The following UNC5D variants were observed in gnomAD, a reference collection of about 807,000 sequenced individuals.
UNC5D encodes the protein unc-5 netrin receptor D.
A neutral mutation model predicts 105.4 loss-of-function variants in UNC5D; 39 were observed. The observed-to-expected ratio is 0.37, with a 90% CI of 0.29 to 0.48. The LOEUF (loss-of-function observed/expected upper bound fraction) is 0.48. UNC5D is among the 20% of genes least tolerant of loss of function. UNC5D has a pLI of 0.98. For synonymous variants in UNC5D, 452 were observed against 450.4 expected (o/e 1.00, Z -0.04); for missense variants, 991 against 1,202.4 (o/e 0.82, Z 2.60).
At chr8:35,653,081 C>A (rs983240079) in intron 4 of UNC5D, among the ~76,000 whole-genome samples, 1 of 152,056 alleles carries the variant, frequency 6.6e-6, no homozygotes, top group African/African-American at 2.4e-5. Context: ...AGGCACATGC[C>A]ACCACACCTG....
At chr8:35,284,924 G>C (rs925665477) in intron 1 of UNC5D, among the ~76,000 whole-genome samples, 1 of 152,062 alleles carries the variant, frequency 6.6e-6, no homozygotes, top group Non-Finnish European at 1.5e-5. Flanking sequence ...ATATAGTAAA[G>C]TTCTTTTAAT....
At chr8:35,634,330 T>G (rs1339862363) in intron 4 of UNC5D, among the ~76,000 whole-genome samples, 1 of 152,220 alleles carries the variant, frequency 6.6e-6, no homozygotes, top group Non-Finnish European at 1.5e-5. Flanking sequence ...ACATTTTTAC[T>G]TCTGTGTTAA....
intron 1 of UNC5D, among the ~76,000 whole-genome samples, chr8:35,328,569 C>T (rs992813886): frequency 6.6e-6 from 1 of 152,180 alleles, no homozygotes; most frequent in African/African-American, 2.4e-5. Context: ...GTGCTTCAAA[C>T]ATGTGTCTGT....
intron 1 of UNC5D, among the ~76,000 whole-genome samples, chr8:35,321,916 G>T (rs889227453): frequency 5.9e-5 from 9 of 152,102 alleles, no homozygotes; most frequent in Non-Finnish European, 1.5e-5. Flanking sequence ...AAGGTCTTTT[G>T]AACTGTTAAG....
At position 35,576,826 on chromosome 8, in the gene UNC5D, G is replaced by C. The variant is rs149665462; in HGVS notation, c.466+8585G>C. Among the ~76,000 whole-genome samples, 1,219 of 152,212 alleles carry C rather than the reference G, an allele frequency of 8.0e-3. 20 individuals are homozygous for C. Among genetic ancestry groups the C allele is most frequent in the African/African-American group, 0.028 (1,155 of 41,516 alleles). ...GATGGGGTTTCACTATGTTATCCAGGATGGTCTCGATCTCCTGACCTCGTG... is the reference window on the plus strand; with the variant it reads ...GATGGGGTTTCACTATGTTATCCAGCATGGTCTCGATCTCCTGACCTCGTG... On this transcript the variant is annotated intron_variant, in intron 3 of 16. Coordinates refer to ENST00000404895, the MANE Select transcript of UNC5D (RefSeq NM_080872.4).
chr8:35,288,594 A>G (rs1474114834), intron 1 of UNC5D, among the ~76,000 whole-genome samples: 2 of 152,168 alleles, frequency 1.3e-5, no homozygotes, highest in Non-Finnish European at 2.9e-5. Context: ...GGTATATAAA[A>G]CAATTGTATT....
At chr8:35,410,347 A>G (rs1243599599) in intron 1 of UNC5D, among the ~76,000 whole-genome samples, 2 of 152,070 alleles carry the variant, frequency 1.3e-5, no homozygotes, top group African/African-American at 2.4e-5. Flanking sequence ...GATTTGCCGT[A>G]ATGGTTACTG....
chr8:35,767,962 T>C (rs1274188509), intron 15 of UNC5D, among the ~76,000 whole-genome samples: 1 of 151,752 alleles, frequency 6.6e-6, no homozygotes, highest in Admixed American at 6.6e-5. Flanking sequence ...CAGGCTAGTG[T>C]AGGGAAACAT....
intron 4 of UNC5D, among the ~76,000 whole-genome samples, chr8:35,658,571 A>C (rs1823913479): frequency 6.6e-6 from 1 of 152,162 alleles, no homozygotes; most frequent in African/African-American, 2.4e-5. Context: ...GATGATAAAA[A>C]ATCAAGAATA....
At chr8:35,504,967 GGTAAA>G (rs1192194238) in intron 1 of UNC5D, among the ~76,000 whole-genome samples, 1 of 152,048 alleles carries the variant, frequency 6.6e-6, no homozygotes, top group Non-Finnish European at 1.5e-5. Context: ...TTCAAGACGA[GGTAAA>G]GTATTCATGG....
chr8:35,518,346 A>G (rs1563493619), intron 1 of UNC5D, among the ~76,000 whole-genome samples: 1 of 152,106 alleles, frequency 6.6e-6, no homozygotes, highest in Non-Finnish European at 1.5e-5. Flanking sequence ...TATATATCTT[A>G]GCATACTTCT....
rs753133707 is a variant in UNC5D, at chr8:35,568,185, T to C, written c.410T>C (p.Val137Ala). The change falls in exon 3 of 17, where the codon GTG becomes GCG. Residue 137 changes from valine (V) to alanine (A), a missense_variant. Coordinates refer to ENST00000404895, the MANE Select transcript of UNC5D (RefSeq NM_080872.4). ...CCCGAGGACTATTGGTGCCAGTGTGTGGCGTGGAGCCACCTGGGTACCTCC... is the reference window on the plus strand; with the variant it reads ...CCCGAGGACTATTGGTGCCAGTGTGCGGCGTGGAGCCACCTGGGTACCTCC... ...HGPEDYWCQC[V>A]AWSHLGTSKS... The C allele has an allele frequency of 1.9e-6, 3 of 1,614,184 alleles. No homozygotes were observed. The highest frequency in any genetic ancestry group is 2.5e-6 in the Non-Finnish European group (3 of 1,180,018).
chr8:35,535,448 T>A (rs946111702), intron 1 of UNC5D, among the ~76,000 whole-genome samples: 21 of 146,594 alleles, frequency 1.4e-4, no homozygotes, highest in East Asian at 4.3e-4. Flanking sequence ...TTTTTTTTTT[T>A]AATTTTTTTT....
At chr8:35,630,654 A>G (rs1037121545) in intron 4 of UNC5D, among the ~76,000 whole-genome samples, 1 of 152,174 alleles carries the variant, frequency 6.6e-6, no homozygotes, top group Non-Finnish European at 1.5e-5. Context: ...AGGGCCGTAC[A>G]TACCCTCCAA....
In UNC5D at chr8:35,352,442, A is replaced by T. The variant is rs1035924081; in HGVS notation, c.103+116555A>T. 2.0e-5 allele frequency among the ~76,000 whole-genome samples: 3 copies of T among 152,166 alleles called. No homozygotes were observed. The East Asian group carries it at 5.8e-4, about 29-fold the overall frequency. ...TAAGAGTAAAGAAAAAGCTACCAAC[A>T]TAAATTATAAGTAAAATTCTGTTCT... On this transcript the variant is annotated intron_variant, in intron 1 of 16. Coordinates refer to ENST00000404895, the MANE Select transcript of UNC5D (RefSeq NM_080872.4).
intron 1 of UNC5D, among the ~76,000 whole-genome samples, chr8:35,287,254 A>G (rs1806667097): frequency 6.6e-6 from 1 of 152,220 alleles, no homozygotes; most frequent in African/African-American, 2.4e-5. Flanking sequence ...GAAACCAATA[A>G]AGCTTGTGTA....
intron 3 of UNC5D, among the ~76,000 whole-genome samples, chr8:35,578,760 T>C (rs1170330624): frequency 6.6e-6 from 1 of 152,216 alleles, no homozygotes; most frequent in Non-Finnish European, 1.5e-5. Flanking sequence ...GTAATTGATA[T>C]AAGTTGTGCT....
intron 3 of UNC5D, among the ~76,000 whole-genome samples, chr8:35,580,410 T>C (rs928576246): frequency 2.6e-5 from 4 of 152,046 alleles, no homozygotes; most frequent in Admixed American, 6.6e-5. Context: ...AATCTCTACC[T>C]TAGTCCTCAG....
chr8:35,665,893 G>A (rs1824389175), intron 4 of UNC5D, among the ~76,000 whole-genome samples: 1 of 149,950 alleles, frequency 6.7e-6, no homozygotes, highest in Admixed American at 6.6e-5. Flanking sequence ...ACATTAATAT[G>A]TTCATATATA....
Sources: gnomAD v4.1 joint callset for allele counts (sites outside exome capture counted in the v4.1 genomes callset) on GRCh38, gnomAD v4.1.1 for gene constraint, MANE v1.5 for transcripts, NCBI Gene and HGNC (gene_info 2026-07-23, HGNC 2026-07-21) for gene names.